The following ANKFY1 variants were observed in gnomAD, a reference collection of about 807,000 sequenced individuals.
ANKFY1 encodes the protein ankyrin repeat and FYVE domain containing 1, also known as ankyrin repeat and FYVE domain-containing protein 1.
Under a neutral mutation model 128.3 loss-of-function variants are expected in ANKFY1, and 47 were observed. The observed-to-expected ratio is 0.37, with a 90% CI of 0.29 to 0.47. The LOEUF is 0.47. Ranked by LOEUF, ANKFY1 falls within the 20% of genes least tolerant of loss-of-function variation. ANKFY1 has a pLI of 1.00. For synonymous variants in ANKFY1, 553 were observed against 601.6 expected (o/e 0.92, Z 1.18); for missense variants, 1,222 against 1,510.6 (o/e 0.81, Z 3.17).
chr17:4,175,084 G>A (rs1283068743), intron 19 of ANKFY1, among the ~76,000 whole-genome samples: 2 of 150,620 alleles, frequency 1.3e-5, no homozygotes, highest in Admixed American at 1.3e-4. Flanking sequence ...TGTAGTCCCA[G>A]CACTTTGGGA....
chr17:4,230,727 C>G (rs1047368813), intron 3 of ANKFY1, among the ~76,000 whole-genome samples: 14 of 152,002 alleles, frequency 9.2e-5, no homozygotes, highest in Admixed American at 9.2e-4. Context: ...TGGTTATAAG[C>G]TAATTAACAT....
At chr17:4,215,774 C>A (rs980699182) in intron 4 of ANKFY1, among the ~76,000 whole-genome samples, 5 of 152,260 alleles carry the variant, frequency 3.3e-5, no homozygotes, top group African/African-American at 1.2e-4. Context: ...GACATTTTTA[C>A]AAAAGCAATT....
intron 3 of ANKFY1, chr17:4,222,619 A>G (rs151289468): frequency 9.3e-7 from 1 of 1,075,346 alleles, no homozygotes; most frequent in East Asian, 2.4e-5. Flanking sequence ...CAATTCTTCA[A>G]AGAATTTTAC....
At chr17:4,193,555 G>A (rs1433320151) in intron 10 of ANKFY1, among the ~76,000 whole-genome samples, 1 of 149,522 alleles carries the variant, frequency 6.7e-6, no homozygotes, top group African/African-American at 2.5e-5. Context: ...AGCCCCCCAA[G>A]TAGCTGGGAT....
At chr17:4,220,401 G>C (rs2060290780) in intron 3 of ANKFY1, among the ~76,000 whole-genome samples, 1 of 152,146 alleles carries the variant, frequency 6.6e-6, no homozygotes, top group African/African-American at 2.4e-5. Flanking sequence ...CACATGGCCT[G>C]ATCTTGAAGA....
chr17:4,181,059 G>A lies in ANKFY1; in HGVS notation c.2240+195C>T. ...TTCAGATTCTTTGATTCAGGGCTGT[G>A]AGCTCCTCCCGTCACAAGTGAGCCT... On this transcript the variant is annotated intron_variant, in intron 16 of 24. Transcript: ENST00000341657. The surrounding 1 kb of genome is among the most constrained non-coding windows in gnomAD (Gnocchi z 4.9). The A allele has an allele frequency of 1.8e-6, 1 of 556,720 alleles. No individual in the cohort carries two copies. 34.5% of individuals were successfully genotyped at this position (556,720 alleles called of 1,614,324 possible). A position where few individuals can be genotyped will look rare whatever the true frequency, so the allele number is the denominator to read the frequency against.
chr17:4,261,989 A>G (rs11870862), intron 1 of ANKFY1, among the ~76,000 whole-genome samples: 298 of 152,298 alleles, frequency 2.0e-3, no homozygotes, highest in African/African-American at 6.8e-3. Context: ...ATATTCACCT[A>G]AAGTTTCCCC....
chr17:4,259,009 GAA>G (rs1968269627), intron 1 of ANKFY1, among the ~76,000 whole-genome samples: 1 of 152,204 alleles, frequency 6.6e-6, no homozygotes, highest in South Asian at 2.1e-4. Context: ...AGACTCAAGA[GAA>G]AGACTGTGCA....
At chr17:4,201,129 C>T (rs2059920285) in intron 7 of ANKFY1, among the ~76,000 whole-genome samples, 1 of 152,206 alleles carries the variant, frequency 6.6e-6, no homozygotes, top group Admixed American at 6.5e-5. Flanking sequence ...CTCCCAGCCT[C>T]AAGAAATCCT....
intron 2 of ANKFY1, among the ~76,000 whole-genome samples, chr17:4,242,038 G>A (rs1598136112): frequency 6.7e-6 from 1 of 149,614 alleles, no homozygotes; most frequent in African/African-American, 2.5e-5. Context: ...GCAATGAGCC[G>A]TGATCTCACC....
Position 4,181,442 on chromosome 17 carries a change from G to A in ANKFY1, c.2122-70C>T, listed in dbSNP as rs2059515221. ...CAAACAGTTTTATTACCAAGTCTGA[G>A]CTCTATGTATAGCATTAAATCCACT... On this transcript the variant is annotated intron_variant, in intron 15 of 24. Coordinates refer to ENST00000341657, the MANE Select transcript of ANKFY1 (RefSeq NM_001330063.2). This position sits in a 1 kb window ranked among gnomAD's most constrained non-coding sequence, Gnocchi z 4.9. 3 of 1,069,572 alleles carry A rather than the reference G, an allele frequency of 2.8e-6. No individual in the cohort carries two copies. The East Asian group carries it at 7.1e-5, about 25-fold the overall frequency. 66.3% of individuals were successfully genotyped at this position (1,069,572 alleles called of 1,614,324 possible).
At chr17:4,197,225 C>G in intron 8 of ANKFY1, 148 bp downstream of exon 8, 3 of 794,450 alleles carry the variant, frequency 3.8e-6, no homozygotes, top group Non-Finnish European at 6.1e-6. Flanking sequence ...GACACTACTA[C>G]TACACATCGA....
At chr17:4,168,228 G>A (rs766828066) in intron 24 of ANKFY1, 39 of 181,250 alleles carry the variant, frequency 2.2e-4, no homozygotes, top group Non-Finnish European at 3.7e-4. Flanking sequence ...TGAGGCAGGC[G>A]CATCACTTGA....
intron 3 of ANKFY1, 41 bp from the exon 4 acceptor site, chr17:4,217,159 G>T: frequency 6.3e-7 from 1 of 1,595,156 alleles, no homozygotes; most frequent in South Asian, 1.1e-5. Context: ...AGCATAGAAT[G>T]ACATGCTTAG....
intron 1 of ANKFY1, among the ~76,000 whole-genome samples, chr17:4,262,589 C>A (rs1968479758): frequency 6.6e-6 from 1 of 152,136 alleles, no homozygotes. Flanking sequence ...CACACACACC[C>A]CTTTTTAATT....
At chr17:4,252,033 T>TAAA (rs537446947) in intron 1 of ANKFY1, among the ~76,000 whole-genome samples, 3 of 94,356 alleles carry the variant, frequency 3.2e-5, no homozygotes, top group East Asian at 3.0e-4. Context: ...GACTCCGTCT[T>TAAA]AAAAAAAAAA....
chr17:4,238,478 T>C (rs1967029039), intron 2 of ANKFY1, among the ~76,000 whole-genome samples: 1 of 151,904 alleles, frequency 6.6e-6, no homozygotes, highest in Non-Finnish European at 1.5e-5. Context: ...CAGGTTTTTT[T>C]TTTTTCTTTT....
chr17:4,220,348 T>C, intron 3 of ANKFY1, among the ~76,000 whole-genome samples: 1 of 152,136 alleles, frequency 6.6e-6, no homozygotes, highest in Non-Finnish European at 1.5e-5. Flanking sequence ...CCATGTGATT[T>C]GTCCACAGCA....
chr17:4,262,636 A>G (rs1968483697), intron 1 of ANKFY1, among the ~76,000 whole-genome samples: 1 of 151,614 alleles, frequency 6.6e-6, no homozygotes, highest in Non-Finnish European at 1.5e-5. Context: ...GGTCCCAGCT[A>G]CTCAGGAGGC....
Sources: gnomAD v4.1 joint callset for allele counts (sites outside exome capture counted in the v4.1 genomes callset) on GRCh38, gnomAD v4.1.1 for gene constraint, Gnocchi (gnomAD v3.1) non-coding constraint, MANE v1.5 for transcripts, NCBI Gene and HGNC (gene_info 2026-07-23, HGNC 2026-07-21) for gene names.